GFRA1: variants seen among roughly 807,000 people sequenced by gnomAD.
GFRA1 encodes the protein GDNF family receptor alpha-1.
A neutral mutation model predicts 51.6 loss-of-function variants in GFRA1; 16 were observed. The ratio of observed to expected loss-of-function variants is 0.31; its 90% CI spans 0.21 to 0.47. The LOEUF is 0.47. GFRA1 is among the 20% of genes least tolerant of loss of function. The pLI, the probability that GFRA1 is intolerant of heterozygous loss-of-function variation, is 1.00. For synonymous variants in GFRA1, 270 were observed against 241.3 expected, an observed-to-expected ratio of 1.12 and a Z score of -1.10; for missense variants, 530 against 594.3, an observed-to-expected ratio of 0.89 and a Z score of 1.13.
intron 5 of GFRA1, among the ~76,000 whole-genome samples, chr10:116,184,653 C>T (rs7909875): frequency 0.66 from 101,133 of 152,130 alleles, 34,476 homozygotes; most frequent in Middle Eastern, 0.77. Flanking sequence ...GCTGCTCAGG[C>T]TCTATTTAAC....
intron 5 of GFRA1, among the ~76,000 whole-genome samples, chr10:116,159,696 G>A (rs772467842): frequency 2.6e-5 from 4 of 151,846 alleles, no homozygotes; most frequent in Non-Finnish European, 5.9e-5. Flanking sequence ...GCCCACCATG[G>A]ACAAGTGAAG....
intron 5 of GFRA1, among the ~76,000 whole-genome samples, chr10:116,146,585 TG>T (rs1353782893): frequency 2.0e-5 from 3 of 152,222 alleles, no homozygotes; most frequent in Non-Finnish European, 4.4e-5. Flanking sequence ...CCATAGACAG[TG>T]GGAGTATTCC....
chr10:116,237,345 T>C (rs557986230), intron 4 of GFRA1, among the ~76,000 whole-genome samples: 1 of 152,312 alleles, frequency 6.6e-6, no homozygotes, highest in East Asian at 1.9e-4. Flanking sequence ...ACATGAGTTC[T>C]TCTGTTACTG....
chr10:116,209,919 G>C (rs1965059534), intron 5 of GFRA1, among the ~76,000 whole-genome samples: 1 of 152,076 alleles, frequency 6.6e-6, no homozygotes. Context: ...ACAAAAGCAA[G>C]TTCAGTTCCT....
chr10:116,265,829 A>G (rs534007450), intron 4 of GFRA1, among the ~76,000 whole-genome samples: 1 of 152,010 alleles, frequency 6.6e-6, no homozygotes, highest in African/African-American at 2.4e-5. Flanking sequence ...CGCTCGCTTC[A>G]TGTTCCAGGC....
At chr10:116,186,660 C>T (rs1391398521) in intron 5 of GFRA1, among the ~76,000 whole-genome samples, 4 of 151,378 alleles carry the variant, frequency 2.6e-5, no homozygotes, top group African/African-American at 4.9e-5. Context: ...TGGGGGGCGG[C>T]GGGAGGTGCT....
At chr10:116,209,812 AG>A (rs1401711451) in intron 5 of GFRA1, among the ~76,000 whole-genome samples, 1 of 152,032 alleles carries the variant, frequency 6.6e-6, no homozygotes, top group Non-Finnish European at 1.5e-5. Context: ...AACAAAGGTA[AG>A]GAGTGGGTAC....
At chr10:116,260,648 A>G (rs1969231254) in intron 4 of GFRA1, among the ~76,000 whole-genome samples, 1 of 151,562 alleles carries the variant, frequency 6.6e-6, no homozygotes, top group South Asian at 2.1e-4. Flanking sequence ...AATGGTTAAA[A>G]GATTACAGAA....
At chr10:116,248,856 A>T (rs180786520) in intron 4 of GFRA1, among the ~76,000 whole-genome samples, 1 of 152,146 alleles carries the variant, frequency 6.6e-6, no homozygotes, top group Non-Finnish European at 1.5e-5. Flanking sequence ...AAATGTGACA[A>T]TGACGACAGT....
At chr10:116,177,081 T>C (rs1961692866) in intron 5 of GFRA1, among the ~76,000 whole-genome samples, 1 of 152,064 alleles carries the variant, frequency 6.6e-6, no homozygotes. Context: ...CAAGTGTGTC[T>C]AGAACACAGA....
chr10:116,263,022 A>C (rs1394840609), intron 4 of GFRA1, among the ~76,000 whole-genome samples: 2 of 152,204 alleles, frequency 1.3e-5, no homozygotes, highest in Non-Finnish European at 1.5e-5. Flanking sequence ...CCAAGGGAAA[A>C]GGAGAGACTC....
chr10:116,125,438 C>A lies in GFRA1; in HGVS notation c.553G>T (p.Asp185Tyr), dbSNP rs754335579. 1 of 1,614,118 alleles carries A rather than the reference C, an allele frequency of 6.2e-7. No individual in the cohort carries two copies. Among genetic ancestry groups the A allele is most frequent in the Non-Finnish European group, 8.5e-7 (1 of 1,179,978 alleles). The change falls in exon 6 of 11, where the codon GAT becomes TAT. Residue 185 changes from aspartate (D) to tyrosine (Y), a missense_variant. Physicochemically the swap from Asp to Tyr is radical, Grantham distance 160. Coordinates refer to ENST00000355422, the MANE Select transcript of GFRA1 (RefSeq NM_005264.8). ...TGGCACTTGCGGCGGTTGCAGACAT[C>A]GTTGGACACGCTGGTGGTGCACGGG... ...ITPCTTSVSN[D>Y]VCNRRKCHKA... is the part of the protein sequence containing the mutation.
intron 5 of GFRA1, among the ~76,000 whole-genome samples, chr10:116,191,011 C>G (rs886347169): frequency 6.6e-6 from 1 of 152,200 alleles, no homozygotes; most frequent in South Asian, 2.1e-4. Context: ...CTTGAGAGTT[C>G]ACCGGGTTCC....
At chr10:116,134,149 G>A (rs553932075) in intron 5 of GFRA1, among the ~76,000 whole-genome samples, 13 of 152,172 alleles carry the variant, frequency 8.5e-5, no homozygotes, top group East Asian at 1.9e-4. Context: ...TATGATTTAC[G>A]AAGCAAAAAT....
chr10:116,089,824 G>A lies in GFRA1; in HGVS notation c.1114C>T (p.Arg372Trp), dbSNP rs147029195. Residue 372 changes from arginine to tryptophan, a missense_variant, in exon 9 of 11, where the codon CGG becomes TGG. By Grantham distance (101) the Arg-to-Trp change is moderately radical. Transcript: ENST00000355422. Reference sequence around the variant, plus strand: ...GGCCCCAGGGGCTTGTTCTTAACCCGGAGGGCAGTGGTGGTAGTGGCAGTG... The same window carrying A: ...GGCCCCAGGGGCTTGTTCTTAACCCAGAGGGCAGTGGTGGTAGTGGCAGTG... ...TTTATTTTALRVKNKPLGPAG... is the reference protein window; with the variant it reads ...TTTATTTTALWVKNKPLGPAG... 1.6e-5 allele frequency: 26 copies of A among 1,613,924 alleles called. No homozygotes were observed. Among genetic ancestry groups the A allele is most frequent in the Admixed American group, 1.0e-4 (6 of 60,004 alleles).
At chr10:116,172,139 C>A (rs1402519596) in intron 5 of GFRA1, among the ~76,000 whole-genome samples, 2 of 152,138 alleles carry the variant, frequency 1.3e-5, no homozygotes, top group African/African-American at 2.4e-5. Flanking sequence ...CTTTACAAAG[C>A]CTTTGGAGTT....
At chr10:116,143,427 C>CA (rs1422073560) in intron 5 of GFRA1, among the ~76,000 whole-genome samples, 1 of 151,744 alleles carries the variant, frequency 6.6e-6, no homozygotes, top group Non-Finnish European at 1.5e-5. Context: ...TATAGGATGA[C>CA]AGATACCCTA....
intron 6 of GFRA1, among the ~76,000 whole-genome samples, chr10:116,118,265 G>A (rs921276485): frequency 5.3e-5 from 8 of 152,178 alleles, no homozygotes; most frequent in African/African-American, 1.4e-4. Flanking sequence ...TCAACTGCAA[G>A]AGCTTCCTAA....
At chr10:116,183,136 T>C (rs1962392916) in intron 5 of GFRA1, among the ~76,000 whole-genome samples, 1 of 152,168 alleles carries the variant, frequency 6.6e-6, no homozygotes, top group Non-Finnish European at 1.5e-5. Context: ...GTACAGCAAG[T>C]GTTGATCAAT....
Sources: allele counts gnomAD v4.1 joint callset (sites outside exome capture counted in the v4.1 genomes callset), GRCh38; gene constraint gnomAD v4.1.1; transcripts MANE v1.5; gene names NCBI Gene and HGNC (gene_info 2026-07-23, HGNC 2026-07-21).